The following COX10 variants were observed in gnomAD, a reference collection of about 807,000 sequenced individuals.
COX10 encodes protoheme IX farnesyltransferase, mitochondrial.
A neutral mutation model predicts 37.3 loss-of-function variants in COX10; 27 were observed. The ratio of observed to expected loss-of-function variants is 0.72; its 90% CI spans 0.53 to 1.00. The LOEUF is 1.00. COX10 is among the 50% of genes least tolerant of loss of function. The pLI, the probability that COX10 is intolerant of heterozygous loss-of-function variation, is 0.00. For missense variants in COX10, 475 were observed against 563.2 expected (o/e 0.84, Z 1.59); for synonymous variants, 222 against 229.1 (o/e 0.97, Z 0.28).
chr17:14,164,006 C>G (rs1905225066), intron 5 of COX10, among the ~76,000 whole-genome samples: 1 of 152,170 alleles, frequency 6.6e-6, no homozygotes, highest in African/African-American at 2.4e-5. Flanking sequence ...TCTGACTCCA[C>G]AAAGTGCATT....
chr17:14,137,955 T>TG (rs1324755384), intron 4 of COX10, among the ~76,000 whole-genome samples: 1 of 145,582 alleles, frequency 6.9e-6, no homozygotes, highest in Non-Finnish European at 1.5e-5. Context: ...ATTCAGTTTT[T>TG]TTTTTTTTTT....
chr17:14,174,702 A>G (rs540680302), intron 5 of COX10, among the ~76,000 whole-genome samples: 1 of 152,048 alleles, frequency 6.6e-6, no homozygotes, highest in Admixed American at 6.6e-5. Flanking sequence ...TGAATGCAGA[A>G]TGGTACAATC....
At chr17:14,154,095 G>T (rs1192363020) in intron 4 of COX10, among the ~76,000 whole-genome samples, 1 of 152,190 alleles carries the variant, frequency 6.6e-6, no homozygotes, top group East Asian at 1.9e-4. Context: ...AAGCAATTCA[G>T]TGGCTGCCTG....
At chr17:14,201,944 G>C (rs1291691122) in intron 6 of COX10, among the ~76,000 whole-genome samples, 1 of 152,140 alleles carries the variant, frequency 6.6e-6, no homozygotes, top group Non-Finnish European at 1.5e-5. Flanking sequence ...AAAATATAAA[G>C]AAGTCTACTT....
At chr17:14,072,882 G>A (rs1915057598) in intron 1 of COX10, among the ~76,000 whole-genome samples, 1 of 152,130 alleles carries the variant, frequency 6.6e-6, no homozygotes, top group African/African-American at 2.4e-5. Context: ...GGTGAGTAAA[G>A]GAGAATTCTT....
At position 14,076,583 on chromosome 17, in the gene COX10, C is replaced by G. The variant is rs902330986; in HGVS notation, c.178-152C>G. 7 of 743,264 alleles carry G rather than the reference C, an allele frequency of 9.4e-6. No homozygotes were observed. The Admixed American group carries it at 1.1e-4, about 12-fold the overall frequency. 46.0% of individuals were successfully genotyped at this position (743,264 alleles called of 1,614,324 possible). ...TTAGTATAGTGATTTCCATATAGCA[C>G]TCTATAAATACATGCCGAATTAACA... On this transcript the variant is annotated intron_variant, in intron 2 of 6. Coordinates refer to ENST00000261643, the MANE Select transcript of COX10 (RefSeq NM_001303.4).
rs771080222 is a variant in COX10, at chr17:14,074,442, T to C, written c.163T>C (p.Phe55Leu). The C allele has an allele frequency of 1.9e-6, 3 of 1,613,842 alleles. No homozygotes were observed. In the Admixed American group the frequency reaches 5.0e-5, roughly 27 times the overall value. ...KQWITFQHFSFLKRMYVTQLN... is the reference protein window; with the variant it reads ...KQWITFQHFSLLKRMYVTQLN... ...GTGGATTACATTTCAGCACTTTAGC[T>C]TCCTCAAACGCATGGTATGTTTAGA... is the stretch of plus-strand genomic sequence containing the variant. The change falls in exon 2 of 7, where the codon TTC (phenylalanine) becomes CTC (leucine). Residue 55 changes from phenylalanine (F) to leucine (L), a missense_variant. Phe to Leu is a conservative substitution (Grantham distance 22). This residue lies in a region of COX10 where 242 missense variants were observed against 242.5 expected (regional missense o/e 1.00). Coordinates refer to ENST00000261643, the MANE Select transcript of COX10 (RefSeq NM_001303.4).
At chr17:14,094,225 A>T (rs1365756311) in intron 3 of COX10, among the ~76,000 whole-genome samples, 2 of 151,930 alleles carry the variant, frequency 1.3e-5, no homozygotes, top group Non-Finnish European at 2.9e-5. Flanking sequence ...CAGTTTCTCC[A>T]GTTTATTAGT....
At chr17:14,161,723 G>A (rs191058788) in intron 5 of COX10, among the ~76,000 whole-genome samples, 2 of 152,138 alleles carry the variant, frequency 1.3e-5, no homozygotes, top group African/African-American at 2.4e-5. Flanking sequence ...ACATCAGAAC[G>A]CCAGGCTTGC....
intron 1 of COX10, 26 bp downstream of exon 1, chr17:14,069,674 C>A: frequency 2.5e-6 from 4 of 1,613,848 alleles, no homozygotes; most frequent in Non-Finnish European, 3.4e-6. Flanking sequence ...TGGGCACGAC[C>A]TTGGGGGAAA....
At chr17:14,144,888 G>C (rs1904663747) in intron 4 of COX10, among the ~76,000 whole-genome samples, 1 of 152,060 alleles carries the variant, frequency 6.6e-6, no homozygotes, top group Admixed American at 6.6e-5. Flanking sequence ...GAATTTGGGA[G>C]AGGGGTTGGG....
chr17:14,163,236 AATTTATTT>A (rs56320518), intron 5 of COX10, among the ~76,000 whole-genome samples: 98 of 146,558 alleles, frequency 6.7e-4, no homozygotes, highest in African/African-American at 2.2e-3. Context: ...AAGACAGGAA[AATTTATTT>A]ATTTATTTAT....
chr17:14,168,799 G>T (rs903580451), intron 5 of COX10, among the ~76,000 whole-genome samples: 1 of 152,320 alleles, frequency 6.6e-6, no homozygotes, highest in Admixed American at 6.5e-5. Flanking sequence ...CTCAGCCCAC[G>T]AAGCCATTTT....
intron 6 of COX10, among the ~76,000 whole-genome samples, chr17:14,200,645 G>A (rs1201832143): frequency 6.6e-6 from 1 of 152,172 alleles, no homozygotes; most frequent in Non-Finnish European, 1.5e-5. Context: ...GCCGTGCTCT[G>A]GAGAGCCATG....
In COX10 at chr17:14,182,303, TAAAA is replaced by T. The variant is rs869114416; in HGVS notation, c.696-9684_696-9681del. On this transcript the variant is annotated intron_variant, in intron 5 of 6. Coordinates refer to ENST00000261643, the MANE Select transcript of COX10 (RefSeq NM_001303.4). ...ATAAATAAATAAATAAATAAATAAA[TAAAA>T]AGGTGTCTGTGTATGTGAAACCACA... The T allele has an allele frequency of 1.5e-5, 12 of 802,826 alleles. No individual in the cohort carries two copies. In the South Asian group the frequency reaches 2.3e-4, roughly 15 times the overall value. The allele number at this position is 802,826 out of a possible 1,614,324, so 49.7% of individuals were successfully genotyped here.
chr17:14,164,752 C>T (rs1483799292), intron 5 of COX10, among the ~76,000 whole-genome samples: 1 of 152,156 alleles, frequency 6.6e-6, no homozygotes, highest in Non-Finnish European at 1.5e-5. Flanking sequence ...GAAGAAGAAG[C>T]CCTTCGCCAG....
At chr17:14,132,401 A>C (rs1916486802) in intron 4 of COX10, among the ~76,000 whole-genome samples, 1 of 151,954 alleles carries the variant, frequency 6.6e-6, no homozygotes, top group East Asian at 1.9e-4. Flanking sequence ...ATCTCAATTG[A>C]GACAGCACGA....
intron 4 of COX10, among the ~76,000 whole-genome samples, chr17:14,108,660 C>T (rs901736583): frequency 2.3e-5 from 2 of 86,434 alleles, no homozygotes; most frequent in African/African-American, 9.0e-5. Context: ...GAGAGACATT[C>T]ATGGCTGAAA....
intron 5 of COX10, among the ~76,000 whole-genome samples, chr17:14,173,390 A>T (rs1416148633): frequency 6.6e-6 from 1 of 152,266 alleles, no homozygotes; most frequent in Non-Finnish European, 1.5e-5. Context: ...ATGAGCGAAG[A>T]GACAAAATGA....
Sources: allele counts gnomAD v4.1 joint callset (sites outside exome capture counted in the v4.1 genomes callset), GRCh38; gene constraint gnomAD v4.1.1; regional missense constraint gnomAD v4.1.1; transcripts MANE v1.5; gene names NCBI Gene and HGNC (gene_info 2026-07-23, HGNC 2026-07-21).